Variants in CORIN observed in about 807,000 individuals in gnomAD.
CORIN encodes the protein atrial natriuretic peptide-converting enzyme.
Under a neutral mutation model 125.3 loss-of-function variants are expected in CORIN, and 117 were observed. That is an observed-to-expected ratio of 0.93 (90% CI 0.80 to 1.09). The LOEUF is 1.09. Ranked by LOEUF, CORIN falls within the 50% of genes least tolerant of loss-of-function variation. The pLI is 0.00. For synonymous variants in CORIN, 450 were observed against 466.4 expected (o/e 0.96, Z 0.45); for missense variants, 1,253 against 1,306.7 (o/e 0.96, Z 0.63).
chr4:47,834,411 C>A (rs1384668609), intron 1 of CORIN, among the ~76,000 whole-genome samples: 1 of 152,054 alleles, frequency 6.6e-6, no homozygotes, highest in East Asian at 1.9e-4. Flanking sequence ...CAGTCAAACT[C>A]ATAGAAGCAG....
At chr4:47,677,301 T>A (rs1177142603) in intron 9 of CORIN, among the ~76,000 whole-genome samples, 1 of 152,184 alleles carries the variant, frequency 6.6e-6, no homozygotes, top group Non-Finnish European at 1.5e-5. Flanking sequence ...GCTGCAACAA[T>A]CATGTTATTA....
intron 19 of CORIN, among the ~76,000 whole-genome samples, chr4:47,605,873 G>A (rs1279788802): frequency 6.6e-6 from 1 of 152,120 alleles, no homozygotes; most frequent in Non-Finnish European, 1.5e-5. Flanking sequence ...GAAAGGCTGA[G>A]ATTTCAAGGG....
chr4:47,786,628 C>CG, intron 3 of CORIN, 97 bp downstream of exon 3: 1 of 870,642 alleles, frequency 1.1e-6, no homozygotes, highest in Non-Finnish European at 1.8e-6. Context: ...CCTGTGTGAC[C>CG]GGCAAGTGAT....
At chr4:47,694,250 G>C (rs1332608887) in intron 5 of CORIN, among the ~76,000 whole-genome samples, 1 of 152,100 alleles carries the variant, frequency 6.6e-6, no homozygotes, top group East Asian at 1.9e-4. Flanking sequence ...CATCGGGAGA[G>C]GTATATTATC....
intron 5 of CORIN, among the ~76,000 whole-genome samples, chr4:47,734,209 C>T (rs1453256855): frequency 6.6e-6 from 1 of 152,150 alleles, no homozygotes; most frequent in Non-Finnish European, 1.5e-5. Flanking sequence ...ATTGAACTAA[C>T]AGCTGTGAAA....
chr4:47,611,334 G>C (rs1161916255), intron 19 of CORIN, among the ~76,000 whole-genome samples: 1 of 152,002 alleles, frequency 6.6e-6, no homozygotes, highest in Non-Finnish European at 1.5e-5. Context: ...GTATTCTTAG[G>C]TATTTTATTC....
intron 16 of CORIN, among the ~76,000 whole-genome samples, chr4:47,638,373 T>C (rs1270784490): frequency 2.0e-5 from 3 of 152,066 alleles, no homozygotes; most frequent in Admixed American, 2.0e-4. Context: ...GACATGAGAT[T>C]TGGGAGGGGC....
At chr4:47,729,143 G>GA (rs1727738028) in intron 5 of CORIN, among the ~76,000 whole-genome samples, 3 of 152,124 alleles carry the variant, frequency 2.0e-5, no homozygotes, top group African/African-American at 7.2e-5. Context: ...AATTCTCCCA[G>GA]AAAAACAGTG....
chr4:47,828,957 G>A (rs1732853531), intron 1 of CORIN, among the ~76,000 whole-genome samples: 1 of 151,920 alleles, frequency 6.6e-6, no homozygotes, highest in Non-Finnish European at 1.5e-5. Context: ...AGGAGATCGA[G>A]ACCATCTTGG....
Position 47,643,193 on chromosome 4 carries a change from C to T in CORIN, c.2021G>A (p.Cys674Tyr), listed in dbSNP as rs1263528740. ...NHACVSRDLW[C>Y]DGEADCSDSS... is the part of the protein sequence containing the mutation. ...GTCTGAGCAGTCGGCTTCACCATCA[C>T]ACCACAGGTCACGTGACACACACGC... is the stretch of plus-strand genomic sequence containing the variant. The change falls in exon 15 of 22, where the codon TGT becomes TAT. Residue 674 changes from cysteine (C) to tyrosine (Y), a missense_variant. Coordinates refer to ENST00000273857, the MANE Select transcript of CORIN (RefSeq NM_006587.4). 4 of 1,613,968 alleles carry T rather than the reference C, an allele frequency of 2.5e-6. No individual in the cohort carries two copies. Among genetic ancestry groups the T allele is most frequent in the Non-Finnish European group, 3.4e-6 (4 of 1,179,968 alleles).
chr4:47,715,608 A>AG lies in CORIN; in HGVS notation c.800-22526dup, dbSNP rs540916023. 1.8e-4 allele frequency among the ~76,000 whole-genome samples: 28 copies of AG among 152,152 alleles called. No individual in the cohort carries two copies. The South Asian group carries it at 2.9e-3, about 16-fold the overall frequency. ...AGCAAGACTCTGTCTCCAAAAAAAA[A>AG]GGGGGGGAGCATGATATTGGAACCA... On this transcript the variant is annotated intron_variant, in intron 5 of 21. Transcript: ENST00000273857.
At chr4:47,655,573 G>A (rs1723935658) in intron 12 of CORIN, among the ~76,000 whole-genome samples, 1 of 152,032 alleles carries the variant, frequency 6.6e-6, no homozygotes, top group East Asian at 1.9e-4. Context: ...TGATCATGAG[G>A]AAAAACCACT....
chr4:47,656,368 C>T (rs1723980339), intron 12 of CORIN, among the ~76,000 whole-genome samples: 1 of 152,040 alleles, frequency 6.6e-6, no homozygotes, highest in South Asian at 2.1e-4. Flanking sequence ...GTTGGCAAGG[C>T]TGGTCTTGAA....
intron 5 of CORIN, among the ~76,000 whole-genome samples, chr4:47,736,296 A>C (rs1728130929): frequency 1.3e-5 from 2 of 152,196 alleles, no homozygotes; most frequent in Non-Finnish European, 2.9e-5. Context: ...TGAAAAAGAA[A>C]ACAAACTTCC....
chr4:47,640,961 T>C (rs899977089), intron 16 of CORIN, among the ~76,000 whole-genome samples: 1 of 152,202 alleles, frequency 6.6e-6, no homozygotes, highest in Non-Finnish European at 1.5e-5. Flanking sequence ...TTGGCAAATA[T>C]AATTTTTCCA....
At chr4:47,727,554 C>A (rs1727652532) in intron 5 of CORIN, among the ~76,000 whole-genome samples, 1 of 151,904 alleles carries the variant, frequency 6.6e-6, no homozygotes, top group Non-Finnish European at 1.5e-5. Flanking sequence ...TAATAATTTC[C>A]ATTTTATGCA....
At chr4:47,694,403 G>C (rs1413925436) in intron 5 of CORIN, among the ~76,000 whole-genome samples, 1 of 152,070 alleles carries the variant, frequency 6.6e-6, no homozygotes, top group Non-Finnish European at 1.5e-5. Flanking sequence ...ATAAAAAAAA[G>C]TTAAGTAGAA....
rs1169308333 is a variant in CORIN at position 47,698,261 on chromosome 4, T to C, written c.800-5178A>G. 2.6e-5 allele frequency among the ~76,000 whole-genome samples: 4 copies of C among 151,706 alleles called. No homozygotes were observed. The South Asian group carries it at 6.3e-4, about 24-fold the overall frequency. ...GGTATAGGGTATAGGAGTGGGGTAA[T>C]AACATTAATATTATTAATATTGGCA... On this transcript the variant is annotated intron_variant, in intron 5 of 21. Transcript: ENST00000273857.
chr4:47,799,375 G>A (rs1009196151), intron 2 of CORIN, among the ~76,000 whole-genome samples: 2 of 152,092 alleles, frequency 1.3e-5, no homozygotes, highest in African/African-American at 4.8e-5. Context: ...CACAGTGACT[G>A]AAGTAATTTA....
Sources: allele counts gnomAD v4.1 joint callset (sites outside exome capture counted in the v4.1 genomes callset), GRCh38; gene constraint gnomAD v4.1.1; transcripts MANE v1.5; gene names NCBI Gene and HGNC (gene_info 2026-07-23, HGNC 2026-07-21).